ALK: variants seen among roughly 807,000 people sequenced by gnomAD.
ALK encodes the protein ALK tyrosine kinase receptor.
A neutral mutation model predicts 163.1 loss-of-function variants in ALK; 74 were observed. That is an observed-to-expected ratio of 0.45 (90% CI 0.38 to 0.55). The LOEUF (loss-of-function observed/expected upper bound fraction) is 0.55. Among genes scored for constraint, ALK ranks in the 20% least tolerant of loss-of-function variants. The probability of loss-of-function intolerance (pLI) is 0.00; values close to 1 mark genes in which losing one functional copy is unlikely to be tolerated. For synonymous variants in ALK, 960 were observed against 843.2 expected (o/e 1.14, Z -2.40); for missense variants, 2,063 against 2,105.3 (o/e 0.98, Z 0.39).
intron 26 of ALK, among the ~76,000 whole-genome samples, chr2:29,197,902 CTGAGA>C (rs1441113411): frequency 6.6e-6 from 1 of 152,134 alleles, no homozygotes; most frequent in Non-Finnish European, 1.5e-5. Flanking sequence ...CGTTTCTGTG[CTGAGA>C]TTTTTTTTCA....
At chr2:29,280,996 A>G (rs2148219438) in intron 9 of ALK, among the ~76,000 whole-genome samples, 1 of 152,190 alleles carries the variant, frequency 6.6e-6, no homozygotes, top group Non-Finnish European at 1.5e-5. Context: ...AGTATGTACC[A>G]GGTGATCCAT....
intron 3 of ALK, among the ~76,000 whole-genome samples, chr2:29,533,732 T>A (rs1022970766): frequency 6.6e-6 from 1 of 152,142 alleles, no homozygotes; most frequent in Admixed American, 6.5e-5. Flanking sequence ...CCTGAGGACA[T>A]AGATGTGACA....
intron 4 of ALK, among the ~76,000 whole-genome samples, chr2:29,436,937 T>G (rs1421083600): frequency 6.6e-6 from 1 of 152,092 alleles, no homozygotes; most frequent in Non-Finnish European, 1.5e-5. Flanking sequence ...GACATGGAAC[T>G]CAGCAGGAGT....
At position 29,464,221 on chromosome 2, in the gene ALK, C is replaced by T. The variant is rs376668817; in HGVS notation, c.1154+67694G>A. Among the ~76,000 whole-genome samples, 4 of 152,242 alleles carry T rather than the reference C, an allele frequency of 2.6e-5. No individual in the cohort carries two copies. In the East Asian group the frequency reaches 5.8e-4, roughly 22 times the overall value. On this transcript the variant is annotated intron_variant, in intron 4 of 28. Transcript: ENST00000389048. ...GGACCTATAATTAAGAAGATAATCA[C>T]TCAGTGGAAACAGAGATAGAAGTCA...
At chr2:29,739,897 C>T (rs1367324596) in intron 1 of ALK, among the ~76,000 whole-genome samples, 1 of 152,202 alleles carries the variant, frequency 6.6e-6, no homozygotes, top group East Asian at 1.9e-4. Context: ...GTACAAGAAA[C>T]TCTATCATGT....
chr2:29,522,081 T>C (rs1260956925), intron 4 of ALK, among the ~76,000 whole-genome samples: 1 of 152,178 alleles, frequency 6.6e-6, no homozygotes, highest in African/African-American at 2.4e-5. Flanking sequence ...TTAATAATGA[T>C]AAATAAATAA....
Position 29,607,134 on chromosome 2 carries a change from C to A in ALK, c.953-75018G>T, listed in dbSNP as rs528088336. Among the ~76,000 whole-genome samples, 26 of 152,218 alleles carry A rather than the reference C, an allele frequency of 1.7e-4. No individual in the cohort carries two copies. The South Asian group carries it at 2.3e-3, about 13-fold the overall frequency. On this transcript the variant is annotated intron_variant, in intron 3 of 28. Coordinates refer to ENST00000389048, the MANE Select transcript of ALK (RefSeq NM_004304.5). The stretch of plus-strand genomic sequence containing the variant: ...TGTTTTTTCTAAGCCTGTAGACAGG[C>A]CTTACTTAGATTTTCAAGTTTAGTG...
intron 8 of ALK, among the ~76,000 whole-genome samples, chr2:29,310,532 G>C (rs1666668585): frequency 6.6e-6 from 1 of 152,234 alleles, no homozygotes; most frequent in Admixed American, 6.5e-5. Context: ...ACAGCCAAGT[G>C]ATTTGTAAGT....
chr2:29,230,943 A>G (rs1406280494), intron 15 of ALK, among the ~76,000 whole-genome samples: 1 of 149,836 alleles, frequency 6.7e-6, no homozygotes, highest in African/African-American at 2.5e-5. Flanking sequence ...CCCCCAGCTG[A>G]GGAGGTTTCT....
chr2:29,860,821 C>T (rs1666268576), intron 1 of ALK, among the ~76,000 whole-genome samples: 1 of 152,022 alleles, frequency 6.6e-6, no homozygotes, highest in Non-Finnish European at 1.5e-5. Context: ...TATCTTGAGA[C>T]AAAATTTAAA....
intron 5 of ALK, among the ~76,000 whole-genome samples, chr2:29,355,660 C>T (rs781128302): frequency 7.9e-5 from 12 of 152,320 alleles, no homozygotes; most frequent in Admixed American, 6.5e-4. Context: ...TCTGCTGATT[C>T]GATCTCATCT....
At chr2:29,383,096 C>T (rs929826853) in intron 5 of ALK, among the ~76,000 whole-genome samples, 4 of 152,032 alleles carry the variant, frequency 2.6e-5, no homozygotes, top group Non-Finnish European at 5.9e-5. Context: ...TCTGGGAGTG[C>T]CTCAGGCTTC....
chr2:29,608,701 A>T (rs1406667060), intron 3 of ALK, among the ~76,000 whole-genome samples: 1 of 152,230 alleles, frequency 6.6e-6, no homozygotes, highest in East Asian at 1.9e-4. Context: ...CGTCCTAATG[A>T]CCAGTTGTGA....
At chr2:29,909,547 T>C (rs72857526) in intron 1 of ALK, among the ~76,000 whole-genome samples, 4,516 of 150,992 alleles carry the variant, frequency 0.03, 231 homozygotes, top group African/African-American at 0.1. Context: ...CTAGAAGTCC[T>C]CTTGAGTCTT....
intron 4 of ALK, among the ~76,000 whole-genome samples, chr2:29,498,415 G>C (rs1392116986): frequency 5.3e-5 from 8 of 152,044 alleles, no homozygotes; most frequent in African/African-American, 7.2e-5. Context: ...TGGTATGTGG[G>C]TGGAGGGCCT....
intron 11 of ALK, among the ~76,000 whole-genome samples, chr2:29,251,883 C>CCT (rs1426778659): frequency 1.3e-5 from 2 of 152,204 alleles, no homozygotes; most frequent in Admixed American, 1.3e-4. Context: ...CCCTGCACTC[C>CCT]CTGGCCATGG....
intron 1 of ALK, among the ~76,000 whole-genome samples, chr2:29,870,308 G>A (rs1185512194): frequency 6.6e-6 from 1 of 152,164 alleles, no homozygotes; most frequent in Non-Finnish European, 1.5e-5. Flanking sequence ...ACTTACAATA[G>A]TGGCAGAAAG....
At chr2:29,634,683 G>T (rs961512784) in intron 3 of ALK, among the ~76,000 whole-genome samples, 1 of 152,130 alleles carries the variant, frequency 6.6e-6, no homozygotes, top group Non-Finnish European at 1.5e-5. Context: ...AATAGTAAAA[G>T]ACTGACTACT....
At chr2:29,581,582 A>C (rs1177947476) in intron 3 of ALK, among the ~76,000 whole-genome samples, 5 of 151,774 alleles carry the variant, frequency 3.3e-5, no homozygotes, top group African/African-American at 1.2e-4. Flanking sequence ...CACTGGAGGG[A>C]GGAGGCTGGG....
Sources: allele counts gnomAD v4.1 joint callset (sites outside exome capture counted in the v4.1 genomes callset), GRCh38; gene constraint gnomAD v4.1.1; transcripts MANE v1.5; gene names NCBI Gene and HGNC (gene_info 2026-07-23, HGNC 2026-07-21).